Variants in ZNG1B observed in about 807,000 individuals in gnomAD.
The protein encoded by ZNG1B is zinc-regulated GTPase metalloprotein activator 1B.
the ZNG1B span, chr2:113,447,303 G>T: frequency 3.7e-6 from 1 of 272,334 alleles, no homozygotes; most frequent in Non-Finnish European, 7.0e-6. Flanking sequence ...AAAAAAAGCT[G>T]TGTTTATACT....
chr2:113,455,706 A>G, the ZNG1B span: 1 of 804,372 alleles, frequency 1.2e-6, no homozygotes, highest in South Asian at 1.5e-5. Context: ...ATCCAACCTC[A>G]TATCTGAACG....
the ZNG1B span, among the ~76,000 whole-genome samples, chr2:113,450,299 G>A: frequency 5.0e-5 from 7 of 140,628 alleles, no homozygotes; most frequent in South Asian, 1.6e-3. Flanking sequence ...ATTTTCTTTT[G>A]TTGTTCGTAT....
At chr2:113,483,500 A>T in the ZNG1B span, among the ~76,000 whole-genome samples, 26 of 149,380 alleles carry the variant, frequency 1.7e-4, no homozygotes, top group Non-Finnish European at 3.3e-4. Context: ...GAGCCTTTTT[A>T]AAAAAAATTC....
the ZNG1B span, chr2:113,470,888 C>T: frequency 1.5e-6 from 1 of 648,600 alleles, no homozygotes; most frequent in Non-Finnish European, 2.6e-6. Context: ...AATCTTGATT[C>T]AACTGTGATT....
chr2:113,456,960 T>A, the ZNG1B span: 10 of 452,322 alleles, frequency 2.2e-5, no homozygotes, highest in East Asian at 3.5e-4. Flanking sequence ...TGGTACCCTG[T>A]GGCCAGCCAG....
chr2:113,479,817 C>CTT, the ZNG1B span, among the ~76,000 whole-genome samples: 1 of 135,650 alleles, frequency 7.4e-6, no homozygotes, highest in Non-Finnish European at 1.6e-5. Context: ...ATTTGCCTTT[C>CTT]TTTTTTTTTT....
At chr2:113,469,116 CA>C in the ZNG1B span, 1 of 151,440 alleles carries the variant, frequency 6.6e-6, no homozygotes, top group Middle Eastern at 3.4e-3. Flanking sequence ...AAACTTCATT[CA>C]TTTGGTTTAT....
the ZNG1B span, chr2:113,466,098 C>T: frequency 2.1e-6 from 2 of 947,656 alleles, no homozygotes; most frequent in African/African-American, 3.9e-5. Context: ...TACAACCATA[C>T]ACCAAATGTG....
the ZNG1B span, chr2:113,468,542 GCT>G: frequency 1.4e-5 from 2 of 144,182 alleles, no homozygotes; most frequent in Non-Finnish European, 3.0e-5. Context: ...AACTTTTGAA[GCT>G]TTTTCTTTCC....
the ZNG1B span, among the ~76,000 whole-genome samples, chr2:113,485,220 G>A: frequency 7.2e-6 from 1 of 138,312 alleles, no homozygotes; most frequent in East Asian, 2.3e-4. Flanking sequence ...AGAGCAATAC[G>A]GATGTTTAAA....
the ZNG1B span, among the ~76,000 whole-genome samples, chr2:113,467,891 C>G: frequency 2.2e-5 from 3 of 136,310 alleles, 1 homozygote; most frequent in Admixed American, 2.3e-4. Context: ...AGTAGTATGA[C>G]TGAAGAGATA....
the ZNG1B span, among the ~76,000 whole-genome samples, chr2:113,474,664 G>A: frequency 4.9e-5 from 7 of 143,838 alleles, no homozygotes; most frequent in South Asian, 6.6e-4. Context: ...CTTTGAATGC[G>A]TCCCAGAGAT....
chr2:113,486,550 T>G, the ZNG1B span, among the ~76,000 whole-genome samples: 1 of 151,260 alleles, frequency 6.6e-6, no homozygotes, highest in Non-Finnish European at 1.5e-5. Context: ...AACCCAGGAG[T>G]TGTAGACCAG....
At chr2:113,455,328 A>G in the ZNG1B span, among the ~76,000 whole-genome samples, 2 of 151,952 alleles carry the variant, frequency 1.3e-5, no homozygotes, top group Non-Finnish European at 2.9e-5. Flanking sequence ...AAATCAGGAT[A>G]TACACATAGG....
the ZNG1B span, among the ~76,000 whole-genome samples, chr2:113,442,805 A>G: frequency 2.6e-5 from 4 of 152,154 alleles, no homozygotes; most frequent in Non-Finnish European, 4.4e-5. Context: ...ATGGGAGCTC[A>G]TTTGCTTAGT....
At chr2:113,467,919 G>T in the ZNG1B span, among the ~76,000 whole-genome samples, 1 of 142,490 alleles carries the variant, frequency 7.0e-6, no homozygotes, top group African/African-American at 2.7e-5. Context: ...TACCACAAAG[G>T]GTCTTGAATG....
At chr2:113,483,264 G>C in the ZNG1B span, among the ~76,000 whole-genome samples, 3 of 150,776 alleles carry the variant, frequency 2.0e-5, no homozygotes, top group African/African-American at 7.3e-5. Context: ...TGAGCGTTTG[G>C]GGCGGCCAGT....
the ZNG1B span, chr2:113,454,719 T>G: frequency 6.4e-7 from 1 of 1,573,236 alleles, no homozygotes; most frequent in Non-Finnish European, 8.7e-7. Flanking sequence ...AAAAAGTGAT[T>G]AAAATGTTTT....
chr2:113,452,295 G>A, the ZNG1B span, among the ~76,000 whole-genome samples: 2 of 152,080 alleles, frequency 1.3e-5, no homozygotes, highest in African/African-American at 2.4e-5. Context: ...TTGACACCGA[G>A]TGATGCTTGG....
Sources: allele counts gnomAD v4.1 joint callset (sites outside exome capture counted in the v4.1 genomes callset), GRCh38; gene constraint gnomAD v4.1.1; transcripts MANE v1.5; gene names NCBI Gene and HGNC (gene_info 2026-07-23, HGNC 2026-07-21).